Variants in MDGA2 observed in about 807,000 individuals in gnomAD.
The protein encoded by MDGA2 is MAM domain containing glycosylphosphatidylinositol anchor 2, also known as MAM domain-containing glycosylphosphatidylinositol anchor protein 2.
MDGA2 carries 40 observed loss-of-function variants against 117.8 expected under a neutral mutation model. The observed-to-expected ratio is 0.34, with a 90% CI of 0.26 to 0.44. The LOEUF (loss-of-function observed/expected upper bound fraction) is 0.44. MDGA2 is among the 20% of genes least tolerant of loss of function. The pLI, the probability that MDGA2 is intolerant of heterozygous loss-of-function variation, is 1.00. For synonymous variants in MDGA2, 452 were observed against 439.0 expected (o/e 1.03, Z -0.37); for missense variants, 1,123 against 1,250.6 (o/e 0.90, Z 1.54).
At chr14:47,201,019 A>G in intron 3 of MDGA2, 3 of 1,027,144 alleles carry the variant, frequency 2.9e-6, no homozygotes, top group Non-Finnish European at 3.1e-6. Context: ...TTTCCTGCCC[A>G]GCAGTACCTG....
chr14:47,002,534 C>T lies in MDGA2; in HGVS notation c.1819+32477G>A, dbSNP rs1045134681. ...CCTGAGGTCAGGAGTTCAAGACCAGCCTGACCAATATGGCAAAACCCTGTC... is the reference window on the plus strand; with the variant it reads ...CCTGAGGTCAGGAGTTCAAGACCAGTCTGACCAATATGGCAAAACCCTGTC... On this transcript the variant is annotated intron_variant, in intron 8 of 16. Transcript: ENST00000399232. 5.9e-5 allele frequency among the ~76,000 whole-genome samples: 9 copies of T among 151,936 alleles called. No individual in the cohort carries two copies. The South Asian group carries it at 1.9e-3, about 32-fold the overall frequency.
intron 10 of MDGA2, 37 bp from the exon 11 acceptor site, chr14:46,882,258 A>G (rs1566506301): frequency 1.9e-6 from 3 of 1,565,274 alleles, no homozygotes; most frequent in South Asian, 1.2e-5. Context: ...TGTTCCCAGT[A>G]TGTTCTTCAG....
At chr14:47,149,408 A>G (rs904492822) in intron 3 of MDGA2, among the ~76,000 whole-genome samples, 1 of 152,214 alleles carries the variant, frequency 6.6e-6, no homozygotes, top group African/African-American at 2.4e-5. Flanking sequence ...GAGAGAGGCC[A>G]ATTCTATAAT....
chr14:47,619,237 AATC>A (rs1897005623), intron 1 of MDGA2, among the ~76,000 whole-genome samples: 1 of 152,142 alleles, frequency 6.6e-6, no homozygotes, highest in South Asian at 2.1e-4. Flanking sequence ...CTAACTAGAC[AATC>A]ATAAATAGTA....
At chr14:47,116,190 G>A (rs1881320450) in intron 5 of MDGA2, among the ~76,000 whole-genome samples, 2 of 151,814 alleles carry the variant, frequency 1.3e-5, no homozygotes, top group Admixed American at 1.3e-4. Context: ...TAAATACCTG[G>A]GAATAAGCTT....
At chr14:47,297,482 G>A (rs1214962898) in intron 2 of MDGA2, among the ~76,000 whole-genome samples, 1 of 112,184 alleles carries the variant, frequency 8.9e-6, no homozygotes, top group Non-Finnish European at 1.9e-5. Flanking sequence ...GGGAAGGGGA[G>A]TGGAGGGGTG....
At chr14:47,046,129 T>G (rs191886671) in intron 7 of MDGA2, among the ~76,000 whole-genome samples, 1 of 150,956 alleles carries the variant, frequency 6.6e-6, no homozygotes, top group Admixed American at 6.6e-5. Flanking sequence ...ATTGTGCACA[T>G]GTACCCTAAA....
At chr14:46,988,986 C>T (rs1201545134) in intron 8 of MDGA2, among the ~76,000 whole-genome samples, 1 of 152,076 alleles carries the variant, frequency 6.6e-6, no homozygotes, top group African/African-American at 2.4e-5. Context: ...GAAAGCATAT[C>T]CATGGCATAA....
At chr14:46,901,158 G>A (rs1392135793) in intron 10 of MDGA2, among the ~76,000 whole-genome samples, 1 of 124,306 alleles carries the variant, frequency 8.0e-6, no homozygotes, top group Non-Finnish European at 1.6e-5. Flanking sequence ...AATGGAAGGG[G>A]AACATCACAC....
chr14:47,438,514 C>T (rs961808718), intron 1 of MDGA2, among the ~76,000 whole-genome samples: 2 of 152,098 alleles, frequency 1.3e-5, no homozygotes, highest in Non-Finnish European at 2.9e-5. Flanking sequence ...TATTCCTGAT[C>T]AGGCTCTAAA....
chr14:47,174,182 C>G (rs1884322331), intron 3 of MDGA2, among the ~76,000 whole-genome samples: 1 of 152,088 alleles, frequency 6.6e-6, no homozygotes, highest in East Asian at 1.9e-4. Flanking sequence ...GACTTAGACT[C>G]CCACACAATA....
intron 1 of MDGA2, among the ~76,000 whole-genome samples, chr14:47,417,889 T>A (rs1892505567): frequency 6.6e-6 from 1 of 151,956 alleles, no homozygotes; most frequent in South Asian, 2.1e-4. Flanking sequence ...TATTTCTAAA[T>A]TTTTTATAGA....
chr14:47,491,998 T>C (rs1894179749), intron 1 of MDGA2, among the ~76,000 whole-genome samples: 1 of 152,140 alleles, frequency 6.6e-6, no homozygotes, highest in African/African-American at 2.4e-5. Flanking sequence ...TTGTCTAGAA[T>C]CTGAGTTTGG....
intron 1 of MDGA2, among the ~76,000 whole-genome samples, chr14:47,364,264 A>T (rs75257436): frequency 0.031 from 4,776 of 152,122 alleles, 262 homozygotes; most frequent in African/African-American, 0.11. Context: ...GAATTATATT[A>T]TATTTATTTA....
intron 5 of MDGA2, among the ~76,000 whole-genome samples, chr14:47,105,790 G>T (rs1410920241): frequency 6.6e-6 from 1 of 151,224 alleles, no homozygotes; most frequent in Admixed American, 6.6e-5. Context: ...CCCAAGCATC[G>T]CTGAGTCTTT....
chr14:47,175,014 C>T (rs1476480737), intron 3 of MDGA2, among the ~76,000 whole-genome samples: 2 of 152,002 alleles, frequency 1.3e-5, no homozygotes, highest in Admixed American at 6.6e-5. Flanking sequence ...GAGAATACTA[C>T]AAACACCTCT....
chr14:47,624,672 C>T (rs1897109290), intron 1 of MDGA2, among the ~76,000 whole-genome samples: 1 of 151,992 alleles, frequency 6.6e-6, no homozygotes, highest in Non-Finnish European at 1.5e-5. Context: ...TCCCTATATG[C>T]TTCTAATTTT....
At chr14:47,514,426 C>G (rs954151198) in intron 1 of MDGA2, among the ~76,000 whole-genome samples, 1 of 152,064 alleles carries the variant, frequency 6.6e-6, no homozygotes, top group Non-Finnish European at 1.5e-5. Flanking sequence ...TTTGAGTTTT[C>G]TGTAGTAATA....
At chr14:47,400,169 C>G (rs1484826993) in intron 1 of MDGA2, among the ~76,000 whole-genome samples, 1 of 152,124 alleles carries the variant, frequency 6.6e-6, no homozygotes, top group East Asian at 1.9e-4. Flanking sequence ...TATTCCTTTA[C>G]TATGATTTTT....
Sources: allele counts gnomAD v4.1 joint callset (sites outside exome capture counted in the v4.1 genomes callset), GRCh38; gene constraint gnomAD v4.1.1; transcripts MANE v1.5; gene names NCBI Gene and HGNC (gene_info 2026-07-23, HGNC 2026-07-21).